The following TIMELESS variants were observed in gnomAD, a reference collection of about 807,000 sequenced individuals.
TIMELESS encodes protein timeless homolog.
In TIMELESS, 124 loss-of-function variants were observed where a neutral mutation model predicts 164.3. The observed-to-expected ratio is 0.75, with a 90% confidence interval of 0.65 to 0.88. The LOEUF (loss-of-function observed/expected upper bound fraction) is 0.88. Ranked by LOEUF, TIMELESS falls within the 40% of genes least tolerant of loss-of-function variation. The probability of loss-of-function intolerance (pLI) is 0.00; values close to 1 mark genes in which losing one functional copy is unlikely to be tolerated. For synonymous variants in TIMELESS, 564 were observed against 563.4 expected (o/e 1.00, Z -0.02); for missense variants, 1,422 against 1,491.4 (o/e 0.95, Z 0.77).
At chr12:56,429,876 CCTCT>C (rs1352732705) in intron 10 of TIMELESS, among the ~76,000 whole-genome samples, 1 of 151,854 alleles carries the variant, frequency 6.6e-6, no homozygotes. Context: ...CTTTCCTCTC[CCTCT>C]GAGGCAATTT....
intron 15 of TIMELESS, among the ~76,000 whole-genome samples, chr12:56,424,192 G>A (rs768260905): frequency 6.6e-6 from 1 of 152,176 alleles, no homozygotes; most frequent in Admixed American, 6.5e-5. Context: ...TATATCTGAT[G>A]AGAAATCATG....
chr12:56,433,656 G>C lies in TIMELESS; in HGVS notation c.252-4C>G. The C allele has an allele frequency of 6.2e-7, 1 of 1,614,056 alleles. No individual in the cohort carries two copies. Among genetic ancestry groups the C allele is most frequent in the Non-Finnish European group, 8.5e-7 (1 of 1,180,030 alleles). ...TTGTGTCAAGTTCACCATCAGTCTG[G>C]GAGACAATGAAGGAGGGAGAAGTTG... On this transcript the variant is annotated splice_polypyrimidine_tract_variant and splice_region_variant and intron_variant, in intron 3 of 28. Coordinates refer to ENST00000553532, the MANE Select transcript of TIMELESS (RefSeq NM_003920.5).
At chr12:56,438,541 G>A (rs1008101205) in intron 1 of TIMELESS, among the ~76,000 whole-genome samples, 1 of 151,956 alleles carries the variant, frequency 6.6e-6, no homozygotes, top group Non-Finnish European at 1.5e-5. Flanking sequence ...GGAGGCCAAG[G>A]CGGGAGGATC....
rs1029883688 is a variant in TIMELESS, at chr12:56,428,843, A to T, written c.1304+40T>A. On this transcript the variant is annotated intron_variant, in intron 11 of 28. Coordinates refer to ENST00000553532, the MANE Select transcript of TIMELESS (RefSeq NM_003920.5). ...CACCAGCCAGAATTCAAGCATTCAG[A>T]TCCCTAGCTCACTGTATCTCCAGTA... is the stretch of plus-strand genomic sequence containing the variant. 2.5e-6 allele frequency: 4 copies of T among 1,599,384 alleles called. No individual in the cohort carries two copies. In the African/African-American group the frequency reaches 5.4e-5, roughly 21 times the overall value.
intron 1 of TIMELESS, among the ~76,000 whole-genome samples, chr12:56,447,019 T>TA (rs1454294358): frequency 4.6e-5 from 7 of 150,650 alleles, no homozygotes; most frequent in African/African-American, 1.5e-4. Flanking sequence ...TTTTATTTTT[T>TA]TTTTTTTTGG....
chr12:56,424,013 C>A, intron 15 of TIMELESS, 119 bp from the exon 16 acceptor site: 1 of 874,610 alleles, frequency 1.1e-6, no homozygotes, highest in South Asian at 1.7e-5. Context: ...AGAATGCAAA[C>A]TGTTACCTCA....
intron 1 of TIMELESS, among the ~76,000 whole-genome samples, chr12:56,444,554 ATC>A (rs1387247217): frequency 6.6e-6 from 1 of 151,566 alleles, no homozygotes; most frequent in Admixed American, 6.6e-5. Context: ...AGGCTATTCC[ATC>A]TGTTTTTTTC....
At chr12:56,446,556 C>T (rs796947835) in intron 1 of TIMELESS, among the ~76,000 whole-genome samples, 7 of 152,154 alleles carry the variant, frequency 4.6e-5, no homozygotes, top group Admixed American at 2.6e-4. Flanking sequence ...GCAGGCCAGG[C>T]GCAGTGGCTC....
intron 1 of TIMELESS, among the ~76,000 whole-genome samples, chr12:56,444,481 T>A (rs1868321995): frequency 6.6e-6 from 1 of 152,134 alleles, no homozygotes; most frequent in South Asian, 2.1e-4. Context: ...CCTTAGTTGG[T>A]TATTCCTTAT....
intron 26 of TIMELESS, among the ~76,000 whole-genome samples, chr12:56,418,572 CTTTTTTTT>C (rs372018339): frequency 7.9e-6 from 1 of 126,796 alleles, no homozygotes; most frequent in Non-Finnish European, 1.7e-5. Context: ...TTTGGTTGTT[CTTTTTTTT>C]TTTTTTTTTT....
Position 56,418,249 on chromosome 12 carries a change from AGGCTGCAGCTCT to A in TIMELESS, c.3327_3338del (p.Glu1110_Pro1113del), listed in dbSNP as rs1467489151. 3 of 1,614,156 alleles carry A rather than the reference AGGCTGCAGCTCT, an allele frequency of 1.9e-6. No individual in the cohort carries two copies. The highest frequency in any genetic ancestry group is 1.7e-5 in the Admixed American group (1 of 60,028). ...CAGAGCCTTGCTCTCCAGGGACTTTAGGCTGCAGCTCTGGCTGCAGCTTCTGTTCCTCCTCTG... is the reference window on the plus strand; with the variant it reads ...CAGAGCCTTGCTCTCCAGGGACTTTAGGCTGCAGCTTCTGTTCCTCCTCTG... On this transcript the variant is annotated inframe_deletion, in exon 27 of 29. Transcript: ENST00000553532.
At chr12:56,417,851 G>A (rs1881316014) in intron 28 of TIMELESS, 56 bp downstream of exon 28, 1 of 1,613,406 alleles carries the variant, frequency 6.2e-7, no homozygotes, top group Non-Finnish European at 8.5e-7. Flanking sequence ...TAAGGACGTG[G>A]TAGAGTTTGT....
chr12:56,438,233 C>T (rs1882134020), intron 1 of TIMELESS, among the ~76,000 whole-genome samples: 2 of 152,092 alleles, frequency 1.3e-5, no homozygotes, highest in South Asian at 2.1e-4. Flanking sequence ...TTAGTAGAAA[C>T]GAGGTTTCTC....
At chr12:56,424,675 C>G in intron 15 of TIMELESS, 87 bp downstream of exon 15, 2 of 1,500,202 alleles carry the variant, frequency 1.3e-6, no homozygotes, top group Non-Finnish European at 1.8e-6. Context: ...TGAGACAACT[C>G]TCTTTTGAAG....
At chr12:56,438,509 C>T (rs891018294) in intron 1 of TIMELESS, among the ~76,000 whole-genome samples, 4 of 151,898 alleles carry the variant, frequency 2.6e-5, no homozygotes, top group South Asian at 2.1e-4. Flanking sequence ...CAGTGGCTCA[C>T]GCCTGAAATC....
chr12:56,420,118 A>C (rs1881417502), intron 26 of TIMELESS, among the ~76,000 whole-genome samples: 1 of 147,390 alleles, frequency 6.8e-6, no homozygotes, highest in Non-Finnish European at 1.5e-5. Flanking sequence ...TTTACAATAC[A>C]GTATAACAAT....
rs560417352 is a variant in TIMELESS, at chr12:56,438,292, G to A, written c.-61-4061C>T. Reference sequence around the variant, plus strand: ...ACTCCCGACCTCTGGTGATCTGCCCGTCTTGGCCTCACAAAGTGCAGGGAT... The same window carrying A: ...ACTCCCGACCTCTGGTGATCTGCCCATCTTGGCCTCACAAAGTGCAGGGAT... On this transcript the variant is annotated intron_variant, in intron 1 of 28. Coordinates refer to ENST00000553532, the MANE Select transcript of TIMELESS (RefSeq NM_003920.5). Among the ~76,000 whole-genome samples, 21 of 152,170 alleles carry A rather than the reference G, an allele frequency of 1.4e-4. No individual in the cohort carries two copies. In the South Asian group the frequency reaches 1.7e-3, roughly 12 times the overall value.
chr12:56,433,300 A>G, intron 5 of TIMELESS, 81 bp downstream of exon 5: 3 of 1,513,562 alleles, frequency 2.0e-6, no homozygotes, highest in Admixed American at 1.7e-5. Flanking sequence ...GACTGGGACC[A>G]TATCTCAGCA....
chr12:56,433,998 C>G, intron 2 of TIMELESS, 72 bp from the exon 3 acceptor site: 1 of 1,611,912 alleles, frequency 6.2e-7, no homozygotes, highest in Non-Finnish European at 8.5e-7. Flanking sequence ...TCTTTTCACA[C>G]CCATGGTTTG....
Sources: allele counts gnomAD v4.1 joint callset (sites outside exome capture counted in the v4.1 genomes callset), GRCh38; gene constraint gnomAD v4.1.1; transcripts MANE v1.5; gene names NCBI Gene and HGNC (gene_info 2026-07-23, HGNC 2026-07-21).